Variants in CNIH3 observed in about 807,000 individuals in gnomAD.
The protein encoded by CNIH3 is cornichon family AMPA receptor auxiliary protein 3.
A neutral mutation model predicts 24.1 loss-of-function variants in CNIH3; 14 were observed. That is an observed-to-expected ratio of 0.58 (90% CI 0.38 to 0.91). CNIH3 has a LOEUF of 0.91. Ranked by LOEUF, CNIH3 falls within the 40% of genes least tolerant of loss-of-function variation. CNIH3 has a pLI of 0.00. For synonymous variants in CNIH3, 68 were observed against 73.8 expected (o/e 0.92, Z 0.40); for missense variants, 178 against 196.8 (o/e 0.90, Z 0.57).
chr1:224,704,259 C>T lies in CNIH3; in HGVS notation c.198+19416C>T, dbSNP rs543223158. 5.6e-4 allele frequency among the ~76,000 whole-genome samples: 85 copies of T among 152,202 alleles called. No homozygotes were observed. Among genetic ancestry groups the T allele is most frequent in the African/African-American group, 1.8e-3 (76 of 41,538 alleles). ...CCCTTCTCTCCTAGAAGCAGAGGCA[C>T]GGGAACAATGAGAAGGCTCTCTCCA... On this transcript the variant is annotated intron_variant, in intron 3 of 5. Coordinates refer to ENST00000272133, the MANE Select transcript of CNIH3 (RefSeq NM_152495.2). The surrounding 1 kb of genome is among the most constrained non-coding windows in gnomAD (Gnocchi z 4.2).
chr1:224,558,435 G>C (rs1680231036), intron 3 of CNIH3, among the ~76,000 whole-genome samples: 1 of 152,130 alleles, frequency 6.6e-6, no homozygotes, highest in Admixed American at 6.6e-5. Context: ...GGAATACCAA[G>C]CAGGGAAGTG....
intron 3 of CNIH3, among the ~76,000 whole-genome samples, chr1:224,547,420 C>A (rs6691181): frequency 2.0e-5 from 3 of 151,706 alleles, no homozygotes; most frequent in African/African-American, 7.3e-5. Flanking sequence ...GATATTACCC[C>A]TAATATTACA....
Position 224,680,942 on chromosome 1 carries a change from C to A in CNIH3, c.82-16C>A. 6.2e-7 allele frequency: 1 copy of A among 1,605,984 alleles called. No individual in the cohort carries two copies. Among genetic ancestry groups the A allele is most frequent in the South Asian group, 1.1e-5 (1 of 90,888 alleles). On this transcript the variant is annotated splice_polypyrimidine_tract_variant and intron_variant, in intron 1 of 5. Coordinates refer to ENST00000272133, the MANE Select transcript of CNIH3 (RefSeq NM_152495.2). ...TCGTGTGCACTAACACCTCAAATCT[C>A]TGTATTCTGTTTCAGATAATTGCCT...
intron 3 of CNIH3, among the ~76,000 whole-genome samples, chr1:224,705,890 ATTCTTTAAGACTCAG>A (rs1687777934): frequency 1.0e-5 from 1 of 95,838 alleles, no homozygotes; most frequent in Non-Finnish European, 2.0e-5. Context: ...GAACCTACCC[ATTCTTTAAGACTCAG>A]CTCACATCGT....
Position 224,671,350 on chromosome 1 carries a change from G to A in CNIH3, c.82-9608G>A, listed in dbSNP as rs186907083. Among the ~76,000 whole-genome samples the A allele has an allele frequency of 3.4e-3, 517 of 152,336 alleles. 2 individuals carry two copies. Among genetic ancestry groups the A allele is most frequent in the Middle Eastern group, 0.024 (7 of 294 alleles). ...TAGACTCTTGGTCATACGGGCATAA[G>A]TAGACCATTCATTTGATTGGGAGCC... On this transcript the variant is annotated intron_variant, in intron 1 of 5. Transcript: ENST00000272133.
intron 1 of CNIH3, among the ~76,000 whole-genome samples, chr1:224,441,277 G>C (rs1182700481): frequency 6.6e-6 from 1 of 152,020 alleles, no homozygotes; most frequent in Non-Finnish European, 1.5e-5. Flanking sequence ...GCCAGATAAG[G>C]CAATGTTATT....
chr1:224,488,738 G>A (rs1302552761), intron 1 of CNIH3, among the ~76,000 whole-genome samples: 1 of 151,828 alleles, frequency 6.6e-6, no homozygotes, highest in Non-Finnish European at 1.5e-5. Context: ...AAAATGCTTG[G>A]ATTATAGGCA....
chr1:224,476,294 T>G (rs1030055736), intron 1 of CNIH3, among the ~76,000 whole-genome samples: 1 of 152,200 alleles, frequency 6.6e-6, no homozygotes, highest in African/African-American at 2.4e-5. Flanking sequence ...CAAATTAGCC[T>G]TGTTTGCAGA....
chr1:224,573,929 A>C (rs1680925891), intron 4 of CNIH3, among the ~76,000 whole-genome samples: 1 of 152,170 alleles, frequency 6.6e-6, no homozygotes, highest in East Asian at 1.9e-4. Flanking sequence ...CTTTTAAAAA[A>C]AAGCATTATA....
intron 1 of CNIH3, among the ~76,000 whole-genome samples, chr1:224,650,638 A>G (rs1297842935): frequency 1.3e-5 from 2 of 152,170 alleles, no homozygotes. Flanking sequence ...GACTGCTCCA[A>G]TTTAAACACC....
chr1:224,504,609 A>T (rs1677817637), intron 1 of CNIH3, among the ~76,000 whole-genome samples: 1 of 151,834 alleles, frequency 6.6e-6, no homozygotes, highest in South Asian at 2.1e-4. Flanking sequence ...AATTCCTCCA[A>T]GGAGTCATGT....
At chr1:224,448,249 C>CA (rs982581841) in intron 1 of CNIH3, among the ~76,000 whole-genome samples, 17 of 134,938 alleles carry the variant, frequency 1.3e-4, no homozygotes, top group East Asian at 3.9e-4. Context: ...AAAAAACACA[C>CA]AAAAAAAATC....
intron 4 of CNIH3, among the ~76,000 whole-genome samples, chr1:224,576,327 T>C (rs1397306523): frequency 6.6e-6 from 1 of 152,258 alleles, no homozygotes; most frequent in Non-Finnish European, 1.5e-5. Flanking sequence ...AAGTTATATA[T>C]GTACATAGTT....
At chr1:224,564,494 A>G (rs1187056632) in intron 3 of CNIH3, among the ~76,000 whole-genome samples, 1 of 152,194 alleles carries the variant, frequency 6.6e-6, no homozygotes, top group Non-Finnish European at 1.5e-5. Flanking sequence ...TTTGCTTCCT[A>G]TTCTCAACCC....
intron 1 of CNIH3, among the ~76,000 whole-genome samples, chr1:224,636,105 GC>G (rs1168007369): frequency 3.3e-5 from 5 of 152,180 alleles, no homozygotes; most frequent in Non-Finnish European, 5.9e-5. Context: ...GGGGTCAAGG[GC>G]TTAACCAGGA....
chr1:224,588,548 A>C (rs571513997), exon 6 of CNIH3: 1 of 152,250 alleles, frequency 6.6e-6, no homozygotes, highest in East Asian at 1.9e-4. Flanking sequence ...TAAATCAAGG[A>C]TGAAGAAGAC....
chr1:224,562,596 G>T (rs904847199), intron 3 of CNIH3, among the ~76,000 whole-genome samples: 1 of 152,084 alleles, frequency 6.6e-6, no homozygotes, highest in African/African-American at 2.4e-5. Context: ...TGGAAGATGG[G>T]GCGTAATGGG....
chr1:224,738,368 C>T (rs1390315504), intron 5 of CNIH3, among the ~76,000 whole-genome samples: 2 of 152,200 alleles, frequency 1.3e-5, no homozygotes, highest in Non-Finnish European at 2.9e-5. Flanking sequence ...CTCATCTGGC[C>T]CTCAGCTTCC....
intron 1 of CNIH3, among the ~76,000 whole-genome samples, chr1:224,439,466 C>G (rs940479156): frequency 6.6e-6 from 1 of 151,770 alleles, no homozygotes; most frequent in Admixed American, 6.6e-5. Flanking sequence ...GAAACGAGAT[C>G]ATTCTTTTCC....
Sources: allele counts gnomAD v4.1 joint callset (sites outside exome capture counted in the v4.1 genomes callset), GRCh38; gene constraint gnomAD v4.1.1; non-coding constraint Gnocchi (gnomAD v3.1); transcripts MANE v1.5; gene names NCBI Gene and HGNC (gene_info 2026-07-23, HGNC 2026-07-21).